The following CCDC63 variants were observed in gnomAD, a reference collection of about 807,000 sequenced individuals.
The protein encoded by CCDC63 is coiled-coil domain-containing protein 63.
In CCDC63, 54 loss-of-function variants were observed where a neutral mutation model predicts 63.6. The observed-to-expected ratio is 0.85, with a 90% CI of 0.68 to 1.07. The LOEUF (loss-of-function observed/expected upper bound fraction) is 1.07. CCDC63 is among the 50% of genes least tolerant of loss of function. The pLI is 0.00. For missense variants in CCDC63, 637 were observed against 689.6 expected, an observed-to-expected ratio of 0.92 and a Z score of 0.86; for synonymous variants, 253 against 266.1, an observed-to-expected ratio of 0.95 and a Z score of 0.48.
intron 4 of CCDC63, among the ~76,000 whole-genome samples, chr12:110,859,788 T>C (rs2070828493): frequency 6.6e-6 from 1 of 152,052 alleles, no homozygotes; most frequent in African/African-American, 2.4e-5. Context: ...GAGCTGGAAG[T>C]ATTTGCAGGA....
At chr12:110,894,052 T>G in intron 9 of CCDC63, among the ~76,000 whole-genome samples, 1 of 151,918 alleles carries the variant, frequency 6.6e-6, no homozygotes, top group East Asian at 1.9e-4. Flanking sequence ...GTATGGCACC[T>G]TTATGATGTC....
chr12:110,855,624 C>G (rs2070760641), intron 3 of CCDC63, among the ~76,000 whole-genome samples: 1 of 152,060 alleles, frequency 6.6e-6, no homozygotes, highest in African/African-American at 2.4e-5. Context: ...TCTTGTTGCC[C>G]AGGCTGGAGT....
chr12:110,857,577 T>A (rs761006727), intron 3 of CCDC63, among the ~76,000 whole-genome samples: 3 of 152,200 alleles, frequency 2.0e-5, no homozygotes, highest in Admixed American at 6.5e-5. Context: ...AGGACATTCA[T>A]GCTACTGATC....
At chr12:110,854,643 T>C (rs977722528) in intron 3 of CCDC63, among the ~76,000 whole-genome samples, 6 of 152,032 alleles carry the variant, frequency 3.9e-5, no homozygotes, top group Non-Finnish European at 7.4e-5. Flanking sequence ...TGGGGTTGAA[T>C]ACACAAACAT....
At position 110,889,059 on chromosome 12, in the gene CCDC63, A is replaced by G. The variant is rs80049325; in HGVS notation, c.1075-4017A>G. ...GCTAATTTTTGTATTTTTTGCAGAGATGAGGTTTCAGTGTGTTGCCCAGGC... is the reference window on the plus strand; with the variant it reads ...GCTAATTTTTGTATTTTTTGCAGAGGTGAGGTTTCAGTGTGTTGCCCAGGC... On this transcript the variant is annotated intron_variant, in intron 8 of 11. Coordinates refer to ENST00000308208, the MANE Select transcript of CCDC63 (RefSeq NM_152591.3). This position sits in a 1 kb window ranked among gnomAD's most constrained non-coding sequence, Gnocchi z 4.1. Among the ~76,000 whole-genome samples the G allele has an allele frequency of 0.035, 5,304 of 151,986 alleles. 320 individuals are homozygous for G. Among genetic ancestry groups the G allele is most frequent in the African/African-American group, 0.12 (5,039 of 41,412 alleles).
chr12:110,872,145 C>T (rs2071076033), intron 4 of CCDC63, among the ~76,000 whole-genome samples: 1 of 152,204 alleles, frequency 6.6e-6, no homozygotes, highest in Non-Finnish European at 1.5e-5. Context: ...ACTGTGTCTG[C>T]AGGGAACCAG....
chr12:110,888,827 TTCCTTC>T (rs2071319579), intron 8 of CCDC63, among the ~76,000 whole-genome samples: 1 of 147,164 alleles, frequency 6.8e-6, no homozygotes, highest in Non-Finnish European at 1.5e-5. Context: ...CCTTCCTTCC[TTCCTTC>T]CTTCCTTCCT....
At position 110,907,084 on chromosome 12, in the gene CCDC63, C is replaced by T. The variant is rs1021418015; in HGVS notation, c.1547-247C>T. On this transcript the variant is annotated intron_variant, in intron 11 of 11. Transcript: ENST00000308208. The surrounding 1 kb of genome is among the most constrained non-coding windows in gnomAD (Gnocchi z 4.4). The stretch of plus-strand genomic sequence containing the variant: ...GTCTTTGTGCAGTGCACATCCTGAA[C>T]AACTGCACATGGTGGCCCTAACTCC... Among the ~76,000 whole-genome samples the T allele has an allele frequency of 6.6e-6, 1 of 152,222 alleles. No individual in the cohort carries two copies. The highest frequency in any genetic ancestry group is 1.5e-5 in the Non-Finnish European group (1 of 68,032).
intron 6 of CCDC63, among the ~76,000 whole-genome samples, chr12:110,880,682 A>G (rs1460166786): frequency 7.9e-4 from 1 of 1,266 alleles, no homozygotes; most frequent in African/African-American, 2.4e-3. Flanking sequence ...GGTGGTGACG[A>G]TAATGATGGT....
rs200897094 is a variant in CCDC63 at position 110,865,483 on chromosome 12, G to A, written c.369+6708G>A. Among the ~76,000 whole-genome samples, 728 of 96,390 alleles carry A rather than the reference G, an allele frequency of 7.6e-3. 1 individual carries two copies. Among genetic ancestry groups the A allele is most frequent in the Middle Eastern group, 0.016 (3 of 188 alleles). The allele number at this position is 96,390 out of a possible 152,430, so 63.2% of individuals were successfully genotyped here. A position where few individuals can be genotyped will look rare whatever the true frequency, so the allele number is the denominator to read the frequency against. On this transcript the variant is annotated intron_variant, in intron 4 of 11. Coordinates refer to ENST00000308208, the MANE Select transcript of CCDC63 (RefSeq NM_152591.3). ...ATATACCAAAAAAAAAAAAAAAAAA[G>A]AAAAAAGAAAAAGAAGAGACAAAGA... is the stretch of plus-strand genomic sequence containing the variant.
At chr12:110,851,339 C>A (rs2070702750) in intron 1 of CCDC63, among the ~76,000 whole-genome samples, 1 of 152,174 alleles carries the variant, frequency 6.6e-6, no homozygotes, top group African/African-American at 2.4e-5. Context: ...TGGTTCTCAG[C>A]CTCTTGCAGA....
chr12:110,890,251 C>T (rs2071339201), intron 8 of CCDC63, among the ~76,000 whole-genome samples: 1 of 151,736 alleles, frequency 6.6e-6, no homozygotes, highest in Admixed American at 6.6e-5. Context: ...CTGTAGTGAG[C>T]CAAGATCGCA....
At chr12:110,906,142 T>C (rs2071576765) in intron 11 of CCDC63, among the ~76,000 whole-genome samples, 2 of 127,146 alleles carry the variant, frequency 1.6e-5, no homozygotes, top group South Asian at 2.3e-4. Flanking sequence ...TCTGAAGATA[T>C]TTTTGGTTGT....
intron 4 of CCDC63, among the ~76,000 whole-genome samples, chr12:110,866,811 C>T (rs1257070168): frequency 4.1e-5 from 6 of 148,042 alleles, no homozygotes; most frequent in Non-Finnish European, 7.5e-5. Flanking sequence ...GTCATCCTGG[C>T]CCGTTCTCAA....
chr12:110,879,193 C>A (rs1234346262), intron 5 of CCDC63, among the ~76,000 whole-genome samples: 2 of 152,088 alleles, frequency 1.3e-5, no homozygotes, highest in African/African-American at 2.4e-5. Flanking sequence ...TTAACACGTA[C>A]CTGGTTGGCC....
Position 110,879,968 on chromosome 12 carries a change from C to A in CCDC63, c.552C>A (p.Asp184Glu), listed in dbSNP as rs1387307862. 1.2e-6 allele frequency: 2 copies of A among 1,614,174 alleles called. No individual in the cohort carries two copies. The highest frequency in any genetic ancestry group is 2.2e-5 in the East Asian group (1 of 44,884). ...CCAAGCTCCGGAAGGAGATTGAAGA[C>A]CTACGATTTGAGAAGGCTGCTTATG... The part of the protein sequence containing the change: ...TNAKLRKEIE[D>E]LRFEKAAYDN... The change falls in exon 6 of 12, where the codon GAC (aspartate) becomes GAA (glutamate). Residue 184 changes from aspartate (D) to glutamate (E), a missense_variant. Transcript: ENST00000308208.
At chr12:110,867,729 A>G (rs1390386918) in intron 4 of CCDC63, among the ~76,000 whole-genome samples, 110 of 83,078 alleles carry the variant, frequency 1.3e-3, no homozygotes, top group African/African-American at 2.6e-3. Flanking sequence ...CCTCCCGGAC[A>G]GGGCGGCTGG....
intron 8 of CCDC63, among the ~76,000 whole-genome samples, chr12:110,890,773 C>CTT (rs769120162): frequency 0.026 from 2,602 of 98,308 alleles, 135 homozygotes; most frequent in African/African-American, 0.073. Context: ...TCCTCCTTTT[C>CTT]TTTTTTTTTT....
At chr12:110,849,061 T>C (rs1285729682) in intron 1 of CCDC63, among the ~76,000 whole-genome samples, 1 of 152,188 alleles carries the variant, frequency 6.6e-6, no homozygotes, top group East Asian at 1.9e-4. Flanking sequence ...CTGTGGGAAT[T>C]TCCCAACATC....
Sources: allele counts gnomAD v4.1 joint callset (sites outside exome capture counted in the v4.1 genomes callset), GRCh38; gene constraint gnomAD v4.1.1; non-coding constraint Gnocchi (gnomAD v3.1); transcripts MANE v1.5; gene names NCBI Gene and HGNC (gene_info 2026-07-23, HGNC 2026-07-21).